Variants in RETREG1 observed in about 807,000 individuals in gnomAD.
RETREG1 encodes family with sequence similarity 134 member B.
Under a neutral mutation model 54.8 loss-of-function variants are expected in RETREG1, and 44 were observed. The ratio of observed to expected loss-of-function variants is 0.80; its 90% confidence interval spans 0.63 to 1.03. The LOEUF is 1.03. Among genes scored for constraint, RETREG1 ranks in the 50% least tolerant of loss-of-function variants. The probability of loss-of-function intolerance (pLI) is 0.00; values close to 1 mark genes in which losing one functional copy is unlikely to be tolerated. For missense variants in RETREG1, 554 were observed against 605.1 expected, an observed-to-expected ratio of 0.92 and a Z score of 0.89; for synonymous variants, 217 against 238.5, an observed-to-expected ratio of 0.91 and a Z score of 0.83.
At chr5:16,546,038 T>C (rs1205546836) in intron 3 of RETREG1, among the ~76,000 whole-genome samples, 1 of 152,196 alleles carries the variant, frequency 6.6e-6, no homozygotes, top group South Asian at 2.1e-4. Context: ...CCCGATTTTA[T>C]GCCTGCACCA....
At chr5:16,588,444 G>A (rs1742674662) in intron 1 of RETREG1, among the ~76,000 whole-genome samples, 1 of 152,124 alleles carries the variant, frequency 6.6e-6, no homozygotes, top group Non-Finnish European at 1.5e-5. Context: ...GTGTGCTGAG[G>A]GTCAGGACTT....
intron 6 of RETREG1, 60 bp downstream of exon 6, chr5:16,478,790 A>G (rs561768727): frequency 6.6e-7 from 1 of 1,518,492 alleles, no homozygotes; most frequent in African/African-American, 1.4e-5. Context: ...AGAATTTCCT[A>G]AAAATAGCTC....
chr5:16,534,594 C>G (rs934547794), intron 3 of RETREG1, among the ~76,000 whole-genome samples: 1 of 152,218 alleles, frequency 6.6e-6, no homozygotes, highest in Non-Finnish European at 1.5e-5. Flanking sequence ...GTGAATGAAT[C>G]AGAAGGGGTA....
intron 3 of RETREG1, among the ~76,000 whole-genome samples, chr5:16,504,345 A>G (rs1429025494): frequency 6.6e-6 from 1 of 152,198 alleles, no homozygotes; most frequent in African/African-American, 2.4e-5. Context: ...TGCTATTGTG[A>G]ATAGTTCCAG....
chr5:16,549,951 C>T (rs1741486859), intron 3 of RETREG1, among the ~76,000 whole-genome samples: 1 of 152,148 alleles, frequency 6.6e-6, no homozygotes, highest in Non-Finnish European at 1.5e-5. Flanking sequence ...AGTGAAAGTA[C>T]TGCTCGGGCG....
intron 8 of RETREG1, among the ~76,000 whole-genome samples, chr5:16,475,880 T>A (rs1424404989): frequency 3.9e-5 from 6 of 152,156 alleles, no homozygotes; most frequent in Admixed American, 2.6e-4. Flanking sequence ...GCTAATAGAT[T>A]TTATTGTTTT....
chr5:16,550,790 G>A (rs1444260847), intron 3 of RETREG1, among the ~76,000 whole-genome samples: 1 of 152,226 alleles, frequency 6.6e-6, no homozygotes, highest in Non-Finnish European at 1.5e-5. Flanking sequence ...ATTCAGCCAT[G>A]GAAAGGAATG....
chr5:16,598,218 C>T (rs373941337), intron 1 of RETREG1, among the ~76,000 whole-genome samples: 10 of 152,334 alleles, frequency 6.6e-5, no homozygotes, highest in East Asian at 5.8e-4. Flanking sequence ...TGACTCTCTA[C>T]GTCCAGCTAA....
intron 3 of RETREG1, among the ~76,000 whole-genome samples, chr5:16,546,851 C>T (rs1277860966): frequency 6.6e-6 from 1 of 152,184 alleles, no homozygotes; most frequent in Non-Finnish European, 1.5e-5. Flanking sequence ...TGATGTAATA[C>T]TTACAGCTAT....
intron 3 of RETREG1, among the ~76,000 whole-genome samples, 165 bp from the exon 4 acceptor site, chr5:16,483,637 C>T (rs1331790149): frequency 6.6e-6 from 1 of 152,104 alleles, no homozygotes; most frequent in Non-Finnish European, 1.5e-5. Flanking sequence ...AGGAAACTCA[C>T]ATGTCAAAAG....
intron 3 of RETREG1, among the ~76,000 whole-genome samples, chr5:16,514,980 A>T (rs115666259): frequency 0.13 from 19,876 of 147,730 alleles, 1,663 homozygotes; most frequent in African/African-American, 0.23. Context: ...TATATATATA[A>T]AATTTTCTTT....
intron 1 of RETREG1, among the ~76,000 whole-genome samples, chr5:16,592,661 G>A (rs1445135795): frequency 6.6e-6 from 1 of 152,036 alleles, no homozygotes; most frequent in South Asian, 2.1e-4. Context: ...AATGCTCATC[G>A]ATAGACTGGA....
intron 3 of RETREG1, among the ~76,000 whole-genome samples, chr5:16,535,983 C>A (rs559952220): frequency 6.6e-6 from 1 of 150,464 alleles, no homozygotes; most frequent in Admixed American, 6.6e-5. Context: ...GCTGCCTTCA[C>A]GAAGTGGGAG....
intron 1 of RETREG1, among the ~76,000 whole-genome samples, chr5:16,589,263 T>C (rs1201619665): frequency 6.6e-6 from 1 of 151,818 alleles, no homozygotes; most frequent in Non-Finnish European, 1.5e-5. Flanking sequence ...ATAATCCCAC[T>C]GGGTGCGGCA....
chr5:16,558,202 G>A (rs1477598511), intron 3 of RETREG1, among the ~76,000 whole-genome samples: 5 of 152,318 alleles, frequency 3.3e-5, no homozygotes, highest in African/African-American at 1.2e-4. Context: ...TGAGGCTGCA[G>A]TGAACTACGA....
chr5:16,614,520 C>G (rs1403234203), intron 1 of RETREG1, among the ~76,000 whole-genome samples: 2 of 152,168 alleles, frequency 1.3e-5, no homozygotes, highest in Non-Finnish European at 2.9e-5. Flanking sequence ...ATAAAATATT[C>G]TTCGCAAGAG....
chr5:16,531,119 G>C (rs1047527372), intron 3 of RETREG1, among the ~76,000 whole-genome samples: 1 of 152,168 alleles, frequency 6.6e-6, no homozygotes, highest in Admixed American at 6.5e-5. Context: ...AGTAGCTAAG[G>C]TGTGCTTACT....
intron 3 of RETREG1, among the ~76,000 whole-genome samples, chr5:16,517,320 T>C (rs1237626844): frequency 6.6e-6 from 1 of 152,210 alleles, no homozygotes; most frequent in Non-Finnish European, 1.5e-5. Context: ...CTTGTTTTAT[T>C]GTTCACATGT....
At chr5:16,565,477 A>G (rs1460149749) in intron 3 of RETREG1, among the ~76,000 whole-genome samples, 3 of 152,172 alleles carry the variant, frequency 2.0e-5, no homozygotes, top group Non-Finnish European at 2.9e-5. Flanking sequence ...AGGAAATCCC[A>G]AAAGAAAATG....
Sources: gnomAD v4.1 joint callset for allele counts (sites outside exome capture counted in the v4.1 genomes callset) on GRCh38, gnomAD v4.1.1 for gene constraint, MANE v1.5 for transcripts, NCBI Gene and HGNC (gene_info 2026-07-23, HGNC 2026-07-21) for gene names.